Variants in UVRAG observed in about 807,000 individuals in gnomAD.
UVRAG encodes UV radiation resistance associated.
UVRAG carries 19 observed loss-of-function variants against 78.0 expected under a neutral mutation model. The observed-to-expected ratio is 0.24, with a 90% confidence interval of 0.17 to 0.36. The LOEUF (loss-of-function observed/expected upper bound fraction) is 0.36. Ranked by LOEUF, UVRAG falls within the 10% of genes least tolerant of loss-of-function variation. UVRAG has a pLI of 1.00. For missense variants in UVRAG, 740 were observed against 853.8 expected, an observed-to-expected ratio of 0.87 and a Z score of 1.66; for synonymous variants, 323 against 324.6, an observed-to-expected ratio of 1.00 and a Z score of 0.05.
chr11:75,913,534 G>A (rs1390861420), intron 6 of UVRAG, among the ~76,000 whole-genome samples: 1 of 152,164 alleles, frequency 6.6e-6, no homozygotes, highest in Non-Finnish European at 1.5e-5. Context: ...TAACAAATTT[G>A]TGTAATTTAC....
chr11:76,068,740 A>G (rs1478577267), intron 13 of UVRAG, among the ~76,000 whole-genome samples: 1 of 152,212 alleles, frequency 6.6e-6, no homozygotes, highest in Non-Finnish European at 1.5e-5. Context: ...TTTGATTTGT[A>G]ACAAATGAAA....
Position 75,818,484 on chromosome 11 carries a change from T to G in UVRAG, c.117+2960T>G, listed in dbSNP as rs565431095. ...CGTACTAGTTGGCAAGGTATCAATT[T>G]TTTTTTTTTTTTGAGATGGAGTCTA... On this transcript the variant is annotated intron_variant, in intron 1 of 14. Transcript: ENST00000356136. Among the ~76,000 whole-genome samples, 4 of 151,628 alleles carry G rather than the reference T, an allele frequency of 2.6e-5. No individual in the cohort carries two copies. The South Asian group carries it at 8.3e-4, about 32-fold the overall frequency.
At chr11:76,058,534 C>CAAA (rs71471400) in intron 12 of UVRAG, among the ~76,000 whole-genome samples, 37 of 111,302 alleles carry the variant, frequency 3.3e-4, no homozygotes, top group Admixed American at 3.9e-4. Context: ...ACCCTATCTC[C>CAAA]AAAAAAAAAA....
intron 13 of UVRAG, among the ~76,000 whole-genome samples, chr11:76,083,105 TTAAAC>T (rs1282921195): frequency 1.3e-5 from 2 of 152,186 alleles, no homozygotes; most frequent in Non-Finnish European, 2.9e-5. Context: ...ATCTAAAAGT[TTAAAC>T]TAAAACAAAA....
chr11:75,897,744 G>A (rs143066434), intron 5 of UVRAG, among the ~76,000 whole-genome samples: 3 of 151,704 alleles, frequency 2.0e-5, no homozygotes, highest in Admixed American at 6.6e-5. Context: ...GGCTGGTCTC[G>A]AACTCCTGAC....
At chr11:76,038,287 T>A (rs902066355) in intron 12 of UVRAG, among the ~76,000 whole-genome samples, 6 of 152,104 alleles carry the variant, frequency 3.9e-5, no homozygotes, top group Admixed American at 6.5e-5. Context: ...TTAACACAGT[T>A]CATGAAAATG....
intron 13 of UVRAG, among the ~76,000 whole-genome samples, chr11:76,066,534 G>A (rs772438680): frequency 2.0e-5 from 3 of 151,804 alleles, no homozygotes; most frequent in East Asian, 1.9e-4. Context: ...GTGCAATGGC[G>A]CGATCTCGGC....
intron 6 of UVRAG, among the ~76,000 whole-genome samples, chr11:75,940,197 G>A (rs1163526811): frequency 2.0e-5 from 3 of 152,094 alleles, no homozygotes; most frequent in Admixed American, 6.6e-5. Flanking sequence ...TTCTAAACTG[G>A]CATAGCTTTG....
intron 8 of UVRAG, among the ~76,000 whole-genome samples, chr11:76,000,051 A>G (rs2135322590): frequency 6.6e-6 from 1 of 152,346 alleles, no homozygotes; most frequent in Non-Finnish European, 1.5e-5. Context: ...AAAATAAGCC[A>G]ATAGTGAAGA....
intron 12 of UVRAG, among the ~76,000 whole-genome samples, chr11:76,030,171 CTCTT>C (rs1950408541): frequency 6.6e-6 from 1 of 151,820 alleles, no homozygotes; most frequent in Non-Finnish European, 1.5e-5. Context: ...GTATGAGTCA[CTCTT>C]TATTGAGATA....
chr11:75,857,602 G>A (rs905713557), intron 2 of UVRAG, among the ~76,000 whole-genome samples: 39 of 151,384 alleles, frequency 2.6e-4, no homozygotes, highest in African/African-American at 9.0e-4. Context: ...CGATTCGTCT[G>A]CCTTAGCCTC....
chr11:76,068,733 G>T (rs1428727360), intron 13 of UVRAG, among the ~76,000 whole-genome samples: 2 of 152,096 alleles, frequency 1.3e-5, no homozygotes, highest in Non-Finnish European at 2.9e-5. Context: ...TTCACGTTTT[G>T]ATTTGTAACA....
chr11:75,815,393 G>T lies in UVRAG; in HGVS notation c.-15G>T. The T allele has an allele frequency of 4.1e-6, 5 of 1,222,132 alleles. No individual in the cohort carries two copies. The South Asian group carries it at 1.7e-4, about 42-fold the overall frequency. 75.7% of individuals were successfully genotyped at this position (1,222,132 alleles called of 1,614,324 possible). Reference sequence around the variant, plus strand: ...AAGAGTGCCCGCCCCGCCGCTTGGCGGCCCCTGGATCGAGATGAGCGCCTC... The same window carrying T: ...AAGAGTGCCCGCCCCGCCGCTTGGCTGCCCCTGGATCGAGATGAGCGCCTC... On this transcript the variant is annotated 5_prime_UTR_variant, in exon 1 of 15. Coordinates refer to ENST00000356136, the MANE Select transcript of UVRAG (RefSeq NM_003369.4).
At chr11:75,973,565 T>C (rs186950350) in intron 7 of UVRAG, among the ~76,000 whole-genome samples, 303 of 121,522 alleles carry the variant, frequency 2.5e-3, no homozygotes, top group African/African-American at 0.016. Flanking sequence ...GAATTGTTTC[T>C]TTTTTTTTAT....
intron 6 of UVRAG, among the ~76,000 whole-genome samples, chr11:75,920,946 T>C (rs1414824729): frequency 6.6e-6 from 1 of 152,270 alleles, no homozygotes. Context: ...ATTCAGCCAC[T>C]ACCCTATTGA....
chr11:76,084,935 G>A (rs1951559123), intron 13 of UVRAG, among the ~76,000 whole-genome samples: 2 of 151,670 alleles, frequency 1.3e-5, no homozygotes, highest in African/African-American at 4.8e-5. Context: ...ATGGTGGCGG[G>A]TGCCTGTAAT....
intron 2 of UVRAG, among the ~76,000 whole-genome samples, chr11:75,857,614 C>G (rs185051915): frequency 6.6e-6 from 1 of 151,832 alleles, no homozygotes; most frequent in Non-Finnish European, 1.5e-5. Context: ...CTTAGCCTCC[C>G]GAATAGCTAG....
intron 14 of UVRAG, among the ~76,000 whole-genome samples, chr11:76,139,001 G>T (rs1591277117): frequency 6.6e-6 from 1 of 152,270 alleles, no homozygotes; most frequent in Admixed American, 6.5e-5. Context: ...AGCAGATTTT[G>T]CCCTGTTTTG....
At chr11:75,850,444 T>C (rs891812561) in intron 1 of UVRAG, among the ~76,000 whole-genome samples, 3 of 152,142 alleles carry the variant, frequency 2.0e-5, no homozygotes, top group Non-Finnish European at 2.9e-5. Context: ...TAAGCAGTCA[T>C]GTGTGACTGA....
Sources: gnomAD v4.1 joint callset for allele counts (sites outside exome capture counted in the v4.1 genomes callset) on GRCh38, gnomAD v4.1.1 for gene constraint, MANE v1.5 for transcripts, NCBI Gene and HGNC (gene_info 2026-07-23, HGNC 2026-07-21) for gene names.